The following KCNAB1 variants were observed in gnomAD, a reference collection of about 807,000 sequenced individuals.
The protein encoded by KCNAB1 is potassium voltage-gated channel subfamily A regulatory beta subunit 1.
KCNAB1 carries 35 observed loss-of-function variants against 64.6 expected under a neutral mutation model. The observed-to-expected ratio is 0.54, with a 90% confidence interval of 0.41 to 0.72. KCNAB1 has a LOEUF of 0.72. Among genes scored for constraint, KCNAB1 ranks in the 30% least tolerant of loss-of-function variants. The pLI is 0.00. For missense variants in KCNAB1, 401 were observed against 512.9 expected (o/e 0.78, Z 2.11); for synonymous variants, 177 against 183.8 (o/e 0.96, Z 0.30).
chr3:156,202,969 G>T (rs953182747), intron 1 of KCNAB1, among the ~76,000 whole-genome samples: 1 of 152,056 alleles, frequency 6.6e-6, no homozygotes, highest in South Asian at 2.1e-4. Flanking sequence ...AGTTTTTACC[G>T]CTAGGGTTAT....
intron 1 of KCNAB1, among the ~76,000 whole-genome samples, chr3:156,248,814 G>T (rs768886289): frequency 7.9e-5 from 12 of 152,134 alleles, no homozygotes; most frequent in Admixed American, 2.6e-4. Flanking sequence ...GAAGCTCCAC[G>T]TGATATGAGC....
intron 1 of KCNAB1, among the ~76,000 whole-genome samples, chr3:156,287,606 C>A (rs1025350427): frequency 2.6e-5 from 4 of 152,040 alleles, no homozygotes; most frequent in Admixed American, 6.6e-5. Flanking sequence ...CCGAGGTGGG[C>A]AGATCAGGTC....
At chr3:156,229,549 AAGGACAACAC>A (rs1716393918) in intron 1 of KCNAB1, among the ~76,000 whole-genome samples, 1 of 152,216 alleles carries the variant, frequency 6.6e-6, no homozygotes, top group Non-Finnish European at 1.5e-5. Context: ...CATTAGTGGA[AAGGACAACAC>A]TTATTCATCC....
intron 1 of KCNAB1, among the ~76,000 whole-genome samples, chr3:156,195,742 G>C (rs560504379): frequency 1.3e-5 from 2 of 152,132 alleles, no homozygotes; most frequent in Admixed American, 6.6e-5. Flanking sequence ...TAGATTGCCT[G>C]TTCACTCTGA....
At chr3:156,308,794 G>A (rs1576705588) in intron 1 of KCNAB1, among the ~76,000 whole-genome samples, 3 of 152,280 alleles carry the variant, frequency 2.0e-5, no homozygotes, top group Admixed American at 1.3e-4. Context: ...TCATGTTAAT[G>A]TTAGAAAGCA....
intron 1 of KCNAB1, among the ~76,000 whole-genome samples, chr3:156,205,872 A>C (rs115716385): frequency 4.9e-4 from 75 of 152,330 alleles, no homozygotes; most frequent in Non-Finnish European, 9.0e-4. Flanking sequence ...TCATCTGTGC[A>C]ATCTGAGACT....
intron 1 of KCNAB1, among the ~76,000 whole-genome samples, chr3:156,334,366 C>G (rs531403310): frequency 6.6e-6 from 1 of 152,212 alleles, no homozygotes; most frequent in African/African-American, 2.4e-5. Flanking sequence ...TAGAATGATG[C>G]TCCCCAACAT....
chr3:156,509,763 C>T (rs1717070682), intron 8 of KCNAB1, among the ~76,000 whole-genome samples: 2 of 152,328 alleles, frequency 1.3e-5, no homozygotes, highest in Middle Eastern at 3.4e-3. Context: ...ATGCAGTGCA[C>T]TAAACTATCT....
chr3:156,403,919 TC>T (rs2108196712), intron 1 of KCNAB1, among the ~76,000 whole-genome samples: 1 of 144,228 alleles, frequency 6.9e-6, no homozygotes, highest in Admixed American at 6.8e-5. Flanking sequence ...AGGGAGGTGG[TC>T]CCATGCATAA....
chr3:156,465,560 A>G, intron 6 of KCNAB1, 83 bp from the exon 7 acceptor site: 1 of 1,303,112 alleles, frequency 7.7e-7, no homozygotes, highest in Non-Finnish European at 1.1e-6. Context: ...ACAGGGTGCA[A>G]AATTAGCAAT....
In KCNAB1 at chr3:156,294,283, T is replaced by A. The variant is rs3772227; in HGVS notation, c.276-127333T>A. Among the ~76,000 whole-genome samples, 28 of 152,350 alleles carry A rather than the reference T, an allele frequency of 1.8e-4. No individual in the cohort carries two copies. The East Asian group carries it at 3.9e-3, about 21-fold the overall frequency. ...TAGCCACTGGGATCTTCGGTATATG[T>A]TGTTTCTTAAGGTAACTAAACAAGA... is the stretch of plus-strand genomic sequence containing the variant. On this transcript the variant is annotated intron_variant, in intron 1 of 13. Coordinates refer to ENST00000490337, the MANE Select transcript of KCNAB1 (RefSeq NM_172160.3).
chr3:156,536,895 G>T lies in KCNAB1; in HGVS notation c.*148G>T. On this transcript the variant is annotated 3_prime_UTR_variant, in exon 14 of 14. Coordinates refer to ENST00000490337, the MANE Select transcript of KCNAB1 (RefSeq NM_172160.3). ...CCCTGGATTCTTTGAGGTGTCTGCT[G>T]TCGCTACCACTGTGCACATCTGAAA... 1.6e-6 allele frequency: 1 copy of T among 633,932 alleles called. No individual in the cohort carries two copies. The highest frequency in any genetic ancestry group is 2.8e-6 in the Non-Finnish European group (1 of 355,252). 39.3% of individuals were successfully genotyped at this position (633,932 alleles called of 1,614,324 possible).
At position 156,537,013 on chromosome 3, in the gene KCNAB1, G is replaced by A; in HGVS notation, c.*266G>A. The A allele has an allele frequency of 2.1e-6, 1 of 479,960 alleles. No individual in the cohort carries two copies. The highest frequency in any genetic ancestry group is 4.6e-5 in the South Asian group (1 of 21,572). 29.7% of individuals were successfully genotyped at this position (479,960 alleles called of 1,614,324 possible). A position where few individuals can be genotyped will look rare whatever the true frequency, so the allele number is the denominator to read the frequency against. ...GTATACACCTCATGCTTATGCAATG[G>A]GAAGAATATGGGGGCCAGGGGGTGT... On this transcript the variant is annotated 3_prime_UTR_variant, in exon 14 of 14. Transcript: ENST00000490337.
intron 1 of KCNAB1, among the ~76,000 whole-genome samples, chr3:156,351,316 A>G (rs2108085104): frequency 6.6e-6 from 1 of 152,328 alleles, no homozygotes; most frequent in South Asian, 2.1e-4. Flanking sequence ...GGGAAGCTCC[A>G]CGTCAGGGGT....
At chr3:156,158,568 T>C (rs1031778521) in intron 1 of KCNAB1, among the ~76,000 whole-genome samples, 1 of 152,168 alleles carries the variant, frequency 6.6e-6, no homozygotes, top group African/African-American at 2.4e-5. Context: ...TAACACAAAC[T>C]GGCTTATATA....
intron 1 of KCNAB1, among the ~76,000 whole-genome samples, chr3:156,418,345 G>C (rs1715233165): frequency 6.6e-6 from 1 of 152,186 alleles, no homozygotes; most frequent in African/African-American, 2.4e-5. Flanking sequence ...AAAGGTTCCA[G>C]GGTATGTGTT....
intron 1 of KCNAB1, among the ~76,000 whole-genome samples, chr3:156,356,904 A>C (rs1346134886): frequency 6.6e-6 from 1 of 152,226 alleles, no homozygotes; most frequent in Non-Finnish European, 1.5e-5. Flanking sequence ...GTAAGTCCTA[A>C]GAATAATTAC....
intron 1 of KCNAB1, among the ~76,000 whole-genome samples, chr3:156,368,903 A>G (rs1380075118): frequency 6.6e-6 from 1 of 152,216 alleles, no homozygotes; most frequent in Non-Finnish European, 1.5e-5. Context: ...GCATGGATGC[A>G]TAGGTTTTGG....
intron 1 of KCNAB1, among the ~76,000 whole-genome samples, chr3:156,160,952 T>C (rs1385889352): frequency 6.6e-6 from 1 of 152,248 alleles, no homozygotes; most frequent in African/African-American, 2.4e-5. Flanking sequence ...CTTTTGGCTC[T>C]TGTGTCTTTA....
Sources: allele counts gnomAD v4.1 joint callset (sites outside exome capture counted in the v4.1 genomes callset), GRCh38; gene constraint gnomAD v4.1.1; transcripts MANE v1.5; gene names NCBI Gene and HGNC (gene_info 2026-07-23, HGNC 2026-07-21).